The following SLC9C2 variants were observed in gnomAD, a reference collection of about 807,000 sequenced individuals.
The protein encoded by SLC9C2 is sodium/hydrogen exchanger 11.
Under a neutral mutation model 140.2 loss-of-function variants are expected in SLC9C2, and 75 were observed. That is an observed-to-expected ratio of 0.53 (90% confidence interval 0.44 to 0.65). SLC9C2 has a LOEUF of 0.65. Among genes scored for constraint, SLC9C2 ranks in the 30% least tolerant of loss-of-function variants. The probability of loss-of-function intolerance (pLI) is 0.00; values close to 1 mark genes in which losing one functional copy is unlikely to be tolerated. For missense variants in SLC9C2, 1,074 were observed against 1,331.8 expected (o/e 0.81, Z 3.01); for synonymous variants, 375 against 420.9 (o/e 0.89, Z 1.34).
intron 13 of SLC9C2, among the ~76,000 whole-genome samples, chr1:173,546,720 A>C (rs907558447): frequency 2.6e-5 from 4 of 152,354 alleles, no homozygotes; most frequent in African/African-American, 9.6e-5. Context: ...ACTGGAGTTC[A>C]ATTTGAAAAC....
chr1:173,507,434 G>C (rs748263339), intron 24 of SLC9C2, among the ~76,000 whole-genome samples: 7 of 152,110 alleles, frequency 4.6e-5, no homozygotes, highest in Admixed American at 6.5e-5. Flanking sequence ...AAGCAAGCTA[G>C]AGTCTGAGCT....
chr1:173,575,534 T>C (rs187916189), intron 8 of SLC9C2, among the ~76,000 whole-genome samples: 326 of 152,214 alleles, frequency 2.1e-3, no homozygotes, highest in Admixed American at 3.2e-3. Flanking sequence ...AAAACTGGAA[T>C]AGTTTTAGGT....
At chr1:173,564,902 G>C (rs999603808) in intron 9 of SLC9C2, among the ~76,000 whole-genome samples, 1 of 150,892 alleles carries the variant, frequency 6.6e-6, no homozygotes, top group African/African-American at 2.4e-5. Flanking sequence ...CTCCCAAAGT[G>C]CTGGGATTAC....
intron 18 of SLC9C2, among the ~76,000 whole-genome samples, chr1:173,529,503 C>T (rs1194120931): frequency 4.0e-5 from 6 of 151,762 alleles, no homozygotes; most frequent in East Asian, 1.9e-4. Flanking sequence ...CAACTTTTCA[C>T]TATCAAATCT....
Position 173,522,954 on chromosome 1 carries a change from C to T in SLC9C2, c.2640+1015G>A, listed in dbSNP as rs574300045. Among the ~76,000 whole-genome samples the T allele has an allele frequency of 2.1e-3, 321 of 152,320 alleles. 4 individuals carry two copies. Among genetic ancestry groups the T allele is most frequent in the African/African-American group, 7.4e-3 (308 of 41,560 alleles). The stretch of plus-strand genomic sequence containing the variant: ...CCTTATTAGAGCAGCCTTCCATGGC[C>T]GCTCTGTGTTACCTTTTCTCCCCTT... On this transcript the variant is annotated intron_variant, in intron 21 of 27. Coordinates refer to ENST00000367714, the MANE Select transcript of SLC9C2 (RefSeq NM_178527.4).
intron 9 of SLC9C2, among the ~76,000 whole-genome samples, chr1:173,558,603 T>C (rs1663876940): frequency 6.6e-6 from 1 of 152,168 alleles, no homozygotes; most frequent in Non-Finnish European, 1.5e-5. Flanking sequence ...TTGTGGTAAT[T>C]CAATTAAATA....
At chr1:173,534,967 A>G (rs1269747374) in intron 15 of SLC9C2, among the ~76,000 whole-genome samples, 1 of 152,026 alleles carries the variant, frequency 6.6e-6, no homozygotes, top group Non-Finnish European at 1.5e-5. Flanking sequence ...AAAACAAAAA[A>G]CAAATAAATT....
At chr1:173,521,560 C>T (rs1479444553) in intron 21 of SLC9C2, among the ~76,000 whole-genome samples, 161 bp from the exon 22 acceptor site, 1 of 148,472 alleles carries the variant, frequency 6.7e-6, no homozygotes, top group Non-Finnish European at 1.5e-5. Flanking sequence ...AAAATAGTTT[C>T]CAAGTAGCAT....
At chr1:173,582,487 AG>A (rs1443568077) in intron 6 of SLC9C2, among the ~76,000 whole-genome samples, 2 of 152,158 alleles carry the variant, frequency 1.3e-5, no homozygotes, top group Admixed American at 1.3e-4. Context: ...TGGGGGCACT[AG>A]TGGCAGTCAG....
At chr1:173,571,081 G>C (rs530718320) in intron 9 of SLC9C2, among the ~76,000 whole-genome samples, 12 of 152,270 alleles carry the variant, frequency 7.9e-5, no homozygotes, top group African/African-American at 2.4e-4. Context: ...TGTTCCTGCA[G>C]GGGGGTGAGA....
chr1:173,509,171 C>CA (rs1370298085), intron 24 of SLC9C2, among the ~76,000 whole-genome samples: 1 of 152,114 alleles, frequency 6.6e-6, no homozygotes, highest in African/African-American at 2.4e-5. Context: ...GGGCCAGGCA[C>CA]AGTGGCTCAC....
At position 173,547,750 on chromosome 1, in the gene SLC9C2, T is replaced by G; in HGVS notation, c.1496A>C (p.Glu499Ala). The change falls in exon 13 of 28, where the codon GAA (glutamate) becomes GCA (alanine). Residue 499 changes from glutamate (E) to alanine (A), a missense_variant. Glu to Ala is a moderately radical substitution (Grantham distance 107, BLOSUM62 -1). Coordinates refer to ENST00000367714, the MANE Select transcript of SLC9C2 (RefSeq NM_178527.4). Reference sequence around the variant, plus strand: ...CATTAAAGCTTCATCTGTTGTGGATTCTGTCTTCATATCATTATGTGAAAC... The same window carrying G: ...CATTAAAGCTTCATCTGTTGTGGATGCTGTCTTCATATCATTATGTGAAAC... ...SHVSHNDMKTESTTDEALMEE... is the reference protein window; with the variant it reads ...SHVSHNDMKTASTTDEALMEE... The G allele has an allele frequency of 6.2e-7, 1 of 1,612,446 alleles. No homozygotes were observed. The highest frequency in any genetic ancestry group is 2.2e-5 in the East Asian group (1 of 44,750).
In SLC9C2 at chr1:173,542,113, A is replaced by C. The variant is rs539229223; in HGVS notation, c.1558-5074T>G. On this transcript the variant is annotated intron_variant, in intron 13 of 27. Coordinates refer to ENST00000367714, the MANE Select transcript of SLC9C2 (RefSeq NM_178527.4). ...TCAACAAAATTGATAGACCGCTAGCAAGACTAATAAAGAAGGAAAGAGAGA... is the reference window on the plus strand; with the variant it reads ...TCAACAAAATTGATAGACCGCTAGCCAGACTAATAAAGAAGGAAAGAGAGA... Among the ~76,000 whole-genome samples, 4 of 152,202 alleles carry C rather than the reference A, an allele frequency of 2.6e-5. No homozygotes were observed. The South Asian group carries it at 6.2e-4, about 24-fold the overall frequency.
rs775477230 is a variant in SLC9C2 at position 173,517,752 on chromosome 1, C to G, written c.2740-48G>C. On this transcript the variant is annotated intron_variant, in intron 22 of 27. Transcript: ENST00000367714. ...CAAAGGGAAAGAAAAAATGAAAAAC[C>G]CTTTGATCAAATCATAGGAGCTCCC... The G allele has an allele frequency of 4.0e-5, 61 of 1,531,982 alleles. No individual in the cohort carries two copies. In the South Asian group the frequency reaches 5.7e-4, roughly 14 times the overall value. 94.9% of individuals were successfully genotyped at this position (1,531,982 alleles called of 1,614,324 possible).
intron 24 of SLC9C2, among the ~76,000 whole-genome samples, chr1:173,508,759 A>G (rs966078399): frequency 1.3e-5 from 2 of 152,148 alleles, no homozygotes; most frequent in Non-Finnish European, 2.9e-5. Flanking sequence ...AAGGGTTCCA[A>G]TAGTTACTAA....
chr1:173,534,036 C>G (rs1398548188), intron 16 of SLC9C2, among the ~76,000 whole-genome samples: 1 of 151,962 alleles, frequency 6.6e-6, no homozygotes, highest in Non-Finnish European at 1.5e-5. Flanking sequence ...TTAAAAATAG[C>G]AATAAACAGA....
intron 9 of SLC9C2, among the ~76,000 whole-genome samples, chr1:173,559,142 C>T (rs147242380): frequency 3.3e-4 from 50 of 152,228 alleles, no homozygotes; most frequent in African/African-American, 9.9e-4. Flanking sequence ...CGTGGCAGAA[C>T]GAAATGTTAA....
At chr1:173,543,892 C>A (rs1662633457) in intron 13 of SLC9C2, among the ~76,000 whole-genome samples, 1 of 152,134 alleles carries the variant, frequency 6.6e-6, no homozygotes, top group African/African-American at 2.4e-5. Flanking sequence ...GACCTAAAAA[C>A]CATAAAAAAC....
intron 25 of SLC9C2, 109 bp downstream of exon 25, chr1:173,506,747 A>G (rs1659667773): frequency 1.1e-6 from 1 of 872,018 alleles, no homozygotes; most frequent in African/African-American, 1.7e-5. Flanking sequence ...AGTAAGAACT[A>G]CAGGGTCATT....
Sources: allele counts gnomAD v4.1 joint callset (sites outside exome capture counted in the v4.1 genomes callset), GRCh38; gene constraint gnomAD v4.1.1; transcripts MANE v1.5; gene names NCBI Gene and HGNC (gene_info 2026-07-23, HGNC 2026-07-21).